SHC3: variants seen among roughly 807,000 people sequenced by gnomAD.
The protein encoded by SHC3 is SHC-transforming protein 3.
SHC3 carries 15 observed loss-of-function variants against 60.4 expected under a neutral mutation model. That is an observed-to-expected ratio of 0.25 (90% CI 0.17 to 0.38). The LOEUF is 0.38. SHC3 is among the 10% of genes least tolerant of loss of function. The pLI is 1.00. For synonymous variants in SHC3, 294 were observed against 325.9 expected, an observed-to-expected ratio of 0.90 and a Z score of 1.05; for missense variants, 677 against 786.1, an observed-to-expected ratio of 0.86 and a Z score of 1.66.
In SHC3 at chr9:89,052,156, G is replaced by A. The variant is rs1319542758; in HGVS notation, c.843C>T (p.His281=). Residue 281 remains histidine (H), a synonymous_variant, in exon 7 of 12, where the codon CAC becomes CAT. Transcript: ENST00000375835. Reference sequence around the variant, plus strand: ...CCAGCCCATCACAGCATTCCAAAATGTGACAAGCTGGGAAAGCAAGTGACA... The same window carrying A: ...CCAGCCCATCACAGCATTCCAAAATATGACAAGCTGGGAAAGCAAGTGACA... The part of the protein sequence containing the change: ...AKDPVNRRAC[H]ILECCDGLAQ... 1 of 1,613,744 alleles carries A rather than the reference G, an allele frequency of 6.2e-7. No homozygotes were observed. Among genetic ancestry groups the A allele is most frequent in the African/African-American group, 1.3e-5 (1 of 75,048 alleles).
intron 5 of SHC3, among the ~76,000 whole-genome samples, chr9:89,067,741 A>C (rs1280958308): frequency 6.6e-6 from 1 of 152,204 alleles, no homozygotes; most frequent in Non-Finnish European, 1.5e-5. Context: ...ATTCAGATGG[A>C]GATTTAGTTT....
chr9:89,068,025 T>C (rs1266549958), intron 5 of SHC3, among the ~76,000 whole-genome samples: 3 of 152,220 alleles, frequency 2.0e-5, no homozygotes, highest in African/African-American at 7.2e-5. Flanking sequence ...AATATGTCCC[T>C]GTCTCTCAGA....
intron 6 of SHC3, among the ~76,000 whole-genome samples, chr9:89,057,900 G>A (rs901384077): frequency 3.9e-5 from 6 of 152,190 alleles, no homozygotes; most frequent in Non-Finnish European, 7.3e-5. Context: ...CTGGATTAGG[G>A]AGGGCTCTAA....
intron 1 of SHC3, among the ~76,000 whole-genome samples, chr9:89,118,873 G>A (rs1208689727): frequency 6.6e-6 from 1 of 152,136 alleles, no homozygotes; most frequent in Non-Finnish European, 1.5e-5. Flanking sequence ...ATACAAAGAA[G>A]AGGAGGATGT....
chr9:89,103,368 C>A (rs930162900), intron 2 of SHC3, among the ~76,000 whole-genome samples: 1 of 152,136 alleles, frequency 6.6e-6, no homozygotes, highest in African/African-American at 2.4e-5. Flanking sequence ...ATTGCAGTTA[C>A]AAGAAGAATT....
At chr9:89,057,488 C>G (rs929137445) in intron 6 of SHC3, among the ~76,000 whole-genome samples, 2 of 151,708 alleles carry the variant, frequency 1.3e-5, no homozygotes, top group African/African-American at 4.8e-5. Context: ...TCTAAAAATG[C>G]CAATTGTTGA....
In SHC3 at chr9:89,038,016, G is replaced by T; in HGVS notation, c.1633C>A (p.Leu545Met). 1 of 1,611,078 alleles carries T rather than the reference G, an allele frequency of 6.2e-7. No homozygotes were observed. Reference sequence around the variant, plus strand: ...ACCGTGCCTTCTGGGTCCACGAGCAGCAGGTGCTTGGCCTGGCCATTGTGC... The same window carrying T: ...ACCGTGCCTTCTGGGTCCACGAGCATCAGGTGCTTGGCCTGGCCATTGTGC... ...GMHNGQAKHLLLVDPEGTIRT... is the reference protein window; with the variant it reads ...GMHNGQAKHLMLVDPEGTIRT... Residue 545 changes from leucine to methionine, a missense_variant, in exon 11 of 12, where the codon CTG (leucine) becomes ATG (methionine). Coordinates refer to ENST00000375835, the MANE Select transcript of SHC3 (RefSeq NM_016848.6).
chr9:89,064,700 G>A (rs1271144757), intron 6 of SHC3, among the ~76,000 whole-genome samples: 1 of 152,026 alleles, frequency 6.6e-6, no homozygotes, highest in East Asian at 1.9e-4. Flanking sequence ...TCTTCCGTAT[G>A]GGCTATCTTA....
chr9:89,076,272 C>A (rs1406830054), intron 3 of SHC3, among the ~76,000 whole-genome samples: 1 of 152,186 alleles, frequency 6.6e-6, no homozygotes, highest in Non-Finnish European at 1.5e-5. Context: ...GCTGGCACAT[C>A]TGAGTCTTCA....
In SHC3 at chr9:89,035,869, G is replaced by GA. The variant is rs1587687060; in HGVS notation, c.1656+2123_1656+2124insT. Among the ~76,000 whole-genome samples, 3 of 137,122 alleles carry GA rather than the reference G, an allele frequency of 2.2e-5. No individual in the cohort carries two copies. The East Asian group carries it at 6.9e-4, about 32-fold the overall frequency. The allele number at this position is 137,122 out of a possible 152,430, so 90.0% of individuals were successfully genotyped here. The stretch of plus-strand genomic sequence containing the variant: ...TATATAGATGTGTGTGTGTGTGTGT[G>GA]TGTGTGTGTGTGTGTGTGTGTATTG... On this transcript the variant is annotated intron_variant, in intron 11 of 11. Transcript: ENST00000375835.
chr9:89,029,035 G>T (rs1824427276), intron 11 of SHC3, among the ~76,000 whole-genome samples: 2 of 149,874 alleles, frequency 1.3e-5, no homozygotes, highest in Non-Finnish European at 1.5e-5. Flanking sequence ...TATAGATCTA[G>T]ATTATATCTA....
chr9:89,019,878 T>C (rs746207083), intron 11 of SHC3, among the ~76,000 whole-genome samples: 19 of 152,098 alleles, frequency 1.2e-4, no homozygotes, highest in Non-Finnish European at 2.6e-4. Context: ...ACAAAAATAA[T>C]AAATGAATAT....
At chr9:89,058,381 T>G (rs1352747728) in intron 6 of SHC3, among the ~76,000 whole-genome samples, 2 of 129,278 alleles carry the variant, frequency 1.5e-5, no homozygotes, top group Non-Finnish European at 3.3e-5. Context: ...GATGGTGGCA[T>G]AGGATGTGGT....
At chr9:89,083,682 C>G (rs1406121627) in intron 2 of SHC3, among the ~76,000 whole-genome samples, 1 of 152,178 alleles carries the variant, frequency 6.6e-6, no homozygotes, top group African/African-American at 2.4e-5. Context: ...AGAAGAAGCC[C>G]ACAGACCTGC....
At chr9:89,137,039 G>A (rs1483072871) in intron 1 of SHC3, among the ~76,000 whole-genome samples, 1 of 152,018 alleles carries the variant, frequency 6.6e-6, no homozygotes, top group Admixed American at 6.6e-5. Flanking sequence ...GAGAGTGAAG[G>A]GGGAGGTGGA....
At chr9:89,069,170 A>C (rs543828063) in intron 5 of SHC3, among the ~76,000 whole-genome samples, 1 of 152,230 alleles carries the variant, frequency 6.6e-6, no homozygotes, top group South Asian at 2.1e-4. Flanking sequence ...TTAGCCAGGC[A>C]TGGTGGTGTG....
intron 1 of SHC3, among the ~76,000 whole-genome samples, chr9:89,155,076 G>A (rs997062810): frequency 2.0e-5 from 3 of 151,926 alleles, no homozygotes; most frequent in African/African-American, 4.8e-5. Context: ...TTTTCTTCAC[G>A]ACACCCCACA....
At chr9:89,170,357 A>T (rs920313201) in intron 1 of SHC3, among the ~76,000 whole-genome samples, 1 of 152,248 alleles carries the variant, frequency 6.6e-6, no homozygotes, top group African/African-American at 2.4e-5. Context: ...AGAAAGATGC[A>T]TATGTCGGCC....
intron 1 of SHC3, among the ~76,000 whole-genome samples, chr9:89,156,223 C>T (rs117647992): frequency 2.4e-3 from 358 of 152,204 alleles, no homozygotes; most frequent in Non-Finnish European, 3.6e-3. Flanking sequence ...AAATATGGAG[C>T]GGGCCATGTG....
Sources: gnomAD v4.1 joint callset for allele counts (sites outside exome capture counted in the v4.1 genomes callset) on GRCh38, gnomAD v4.1.1 for gene constraint, MANE v1.5 for transcripts, NCBI Gene and HGNC (gene_info 2026-07-23, HGNC 2026-07-21) for gene names.